MATN2: variants seen among roughly 807,000 people sequenced by gnomAD.
MATN2 encodes matrilin-2.
A neutral mutation model predicts 103.2 loss-of-function variants in MATN2; 69 were observed. The observed-to-expected ratio is 0.67, with a 90% CI of 0.55 to 0.82. The LOEUF (loss-of-function observed/expected upper bound fraction) is 0.82, where lower values mean the gene tolerates loss of function less well. Among genes scored for constraint, MATN2 ranks in the 40% least tolerant of loss-of-function variants. MATN2 has a pLI of 0.00. For missense variants in MATN2, 1,023 were observed against 1,211.5 expected, an observed-to-expected ratio of 0.84 and a Z score of 2.31; for synonymous variants, 429 against 450.2, an observed-to-expected ratio of 0.95 and a Z score of 0.60.
At chr8:97,875,690 GTT>G (rs763539274) in intron 1 of MATN2, among the ~76,000 whole-genome samples, 8 of 82,032 alleles carry the variant, frequency 9.8e-5, no homozygotes, top group South Asian at 4.4e-4. Context: ...GTATTTGCCT[GTT>G]TTTTTTTTTT....
At chr8:97,979,912 A>G (rs1811963050) in intron 6 of MATN2, among the ~76,000 whole-genome samples, 1 of 152,190 alleles carries the variant, frequency 6.6e-6, no homozygotes, top group African/African-American at 2.4e-5. Context: ...TTTTCAACAT[A>G]AACTTACTTC....
At chr8:98,026,360 G>A (rs540943563) in intron 13 of MATN2, among the ~76,000 whole-genome samples, 45 of 151,242 alleles carry the variant, frequency 3.0e-4, no homozygotes, top group Non-Finnish European at 5.9e-4. Flanking sequence ...CTTGGGCTCC[G>A]GTAATCTTTC....
chr8:97,936,700 AG>A (rs1370666064), intron 3 of MATN2, among the ~76,000 whole-genome samples: 1 of 152,162 alleles, frequency 6.6e-6, no homozygotes, highest in Non-Finnish European at 1.5e-5. Context: ...GTAAACCCAG[AG>A]GGCCTTCTGA....
Position 98,016,713 on chromosome 8 carries a change from A to G in MATN2, c.1696+51A>G, listed in dbSNP as rs1813374959. ...TACTACTATGCCAGACCACTGTGTG[A>G]AATCGCTATCCTTATCTCTGTATAT... is the stretch of plus-strand genomic sequence containing the variant. On this transcript the variant is annotated intron_variant, in intron 11 of 18. Coordinates refer to ENST00000254898, the MANE Select transcript of MATN2 (RefSeq NM_002380.5). 5.0e-6 allele frequency: 8 copies of G among 1,589,026 alleles called. No individual in the cohort carries two copies. The East Asian group carries it at 1.6e-4, about 31-fold the overall frequency.
chr8:98,001,867 C>T (rs187266729), intron 7 of MATN2, among the ~76,000 whole-genome samples: 2 of 152,284 alleles, frequency 1.3e-5, no homozygotes, highest in East Asian at 1.9e-4. Flanking sequence ...CATATTCCCA[C>T]CCCTTGACCA....
At chr8:97,900,780 A>G (rs1348003775) in intron 2 of MATN2, among the ~76,000 whole-genome samples, 1 of 152,104 alleles carries the variant, frequency 6.6e-6, no homozygotes, top group Admixed American at 6.5e-5. Flanking sequence ...CTAAAAATAC[A>G]AAAAATTAGA....
chr8:98,032,845 TTTTTG>T (rs1814090520), intron 16 of MATN2, among the ~76,000 whole-genome samples, 192 bp from the exon 17 acceptor site: 2 of 151,830 alleles, frequency 1.3e-5, no homozygotes, highest in African/African-American at 4.9e-5. Context: ...TTTGTTTTGT[TTTTTG>T]TTGTTGTTGT....
intron 1 of MATN2, among the ~76,000 whole-genome samples, chr8:97,881,823 A>G (rs1263176975): frequency 6.6e-6 from 1 of 152,152 alleles, no homozygotes; most frequent in Non-Finnish European, 1.5e-5. Context: ...GTTTTTAGGA[A>G]AAAATCTATC....
intron 2 of MATN2, among the ~76,000 whole-genome samples, chr8:97,915,077 C>T (rs1444324804): frequency 6.6e-6 from 1 of 152,172 alleles, no homozygotes; most frequent in African/African-American, 2.4e-5. Flanking sequence ...ACCTTGACCT[C>T]TTGGGCTCAA....
intron 10 of MATN2, among the ~76,000 whole-genome samples, chr8:98,010,006 C>G (rs923745938): frequency 2.6e-5 from 4 of 152,228 alleles, no homozygotes; most frequent in African/African-American, 9.7e-5. Context: ...AGGGTCCGCT[C>G]CCCGCTTGAT....
rs773457697 is a variant in MATN2 at position 97,994,483 on chromosome 8, T to C, written c.1085T>C (p.Ile362Thr). 1.9e-6 allele frequency: 3 copies of C among 1,605,704 alleles called. No individual in the cohort carries two copies. Among genetic ancestry groups the C allele is most frequent in the Non-Finnish European group, 1.7e-6 (2 of 1,177,540 alleles). Reference sequence around the variant, plus strand: ...TGTGATTTTTCCTTCTTGCCAGAGATAGACTACTGTGCCTCATCTAATCAC... The same window carrying C: ...TGTGATTTTTCCTTCTTGCCAGAGACAGACTACTGTGCCTCATCTAATCAC... ...LNPDKKTCTK[I>T]DYCASSNHGC... is the part of the protein sequence containing the mutation. Residue 362 changes from isoleucine (I) to threonine (T), a missense_variant, in exon 7 of 19, where the codon ATA becomes ACA. Coordinates refer to ENST00000254898, the MANE Select transcript of MATN2 (RefSeq NM_002380.5).
intron 4 of MATN2, 100 bp from the exon 5 acceptor site, chr8:97,961,308 C>T: frequency 8.1e-7 from 1 of 1,234,342 alleles, no homozygotes; most frequent in South Asian, 2.1e-5. Flanking sequence ...TTAAAAGTTA[C>T]TTTGGTGAGG....
chr8:97,904,826 CAT>C (rs1819108022), intron 2 of MATN2, among the ~76,000 whole-genome samples: 2 of 146,382 alleles, frequency 1.4e-5, no homozygotes, highest in Non-Finnish European at 3.0e-5. Flanking sequence ...ACCTGGGATC[CAT>C]GTCCCTCAAA....
In MATN2 at chr8:98,035,747, A is replaced by T. The variant is rs1243812202; in HGVS notation, c.*35A>T. On this transcript the variant is annotated 3_prime_UTR_variant, in exon 19 of 19. Transcript: ENST00000254898. ...ATCGCGACACATTTGTAGTCATTGT[A>T]TCACGGATTACAATGAACGCAGTGC... 5.4e-6 allele frequency: 8 copies of T among 1,473,708 alleles called. No homozygotes were observed. The highest frequency in any genetic ancestry group is 7.5e-6 in the Non-Finnish European group (8 of 1,066,414). The allele number at this position is 1,473,708 out of a possible 1,614,324, so 91.3% of individuals were successfully genotyped here.
At chr8:98,004,885 A>G (rs1812917392) in intron 8 of MATN2, among the ~76,000 whole-genome samples, 1 of 152,212 alleles carries the variant, frequency 6.6e-6, no homozygotes, top group African/African-American at 2.4e-5. Flanking sequence ...CACCATCTCC[A>G]CGGGTCCTGG....
At chr8:98,026,214 T>G (rs1813799720) in intron 13 of MATN2, among the ~76,000 whole-genome samples, 1 of 149,240 alleles carries the variant, frequency 6.7e-6, no homozygotes, top group Non-Finnish European at 1.5e-5. Flanking sequence ...CTGAAAAGCT[T>G]CCATGTAAAG....
chr8:97,988,418 G>C (rs899289830), intron 6 of MATN2, among the ~76,000 whole-genome samples: 2 of 151,592 alleles, frequency 1.3e-5, no homozygotes, highest in Non-Finnish European at 2.9e-5. Flanking sequence ...TTGAGTCCAG[G>C]AGTTCTAGAT....
chr8:97,955,770 G>A (rs939146106), intron 4 of MATN2, among the ~76,000 whole-genome samples: 6 of 152,224 alleles, frequency 3.9e-5, no homozygotes, highest in African/African-American at 1.4e-4. Flanking sequence ...TGACAACCCT[G>A]TGCTTGTGTC....
chr8:97,968,149 G>A (rs963148677), intron 5 of MATN2, among the ~76,000 whole-genome samples: 1 of 152,244 alleles, frequency 6.6e-6, no homozygotes, highest in Non-Finnish European at 1.5e-5. Context: ...TGGATGTGAG[G>A]AGCAGTGTGC....
Sources: gnomAD v4.1 joint callset for allele counts (sites outside exome capture counted in the v4.1 genomes callset) on GRCh38, gnomAD v4.1.1 for gene constraint, MANE v1.5 for transcripts, NCBI Gene and HGNC (gene_info 2026-07-23, HGNC 2026-07-21) for gene names.